RNLS: variants seen among roughly 807,000 people sequenced by gnomAD.
RNLS encodes renalase, FAD dependent amine oxidase.
A neutral mutation model predicts 39.8 loss-of-function variants in RNLS; 39 were observed. The observed-to-expected ratio is 0.98, with a 90% CI of 0.76 to 1.28. The LOEUF (loss-of-function observed/expected upper bound fraction) is 1.28, where lower values mean the gene tolerates loss of function less well. Among genes scored for constraint, RNLS ranks in the 50% most tolerant of loss-of-function variants. The probability of loss-of-function intolerance (pLI) is 0.00; values close to 1 mark genes in which losing one functional copy is unlikely to be tolerated. For missense variants in RNLS, 410 were observed against 413.3 expected (o/e 0.99, Z 0.07); for synonymous variants, 147 against 150.7 (o/e 0.98, Z 0.18).
chr10:88,356,345 A>G (rs1226007421), intron 5 of RNLS, among the ~76,000 whole-genome samples: 2 of 152,126 alleles, frequency 1.3e-5, no homozygotes, highest in Non-Finnish European at 2.9e-5. Flanking sequence ...GTTCCTATTC[A>G]GCCGTCTTGG....
At chr10:88,281,112 G>GA (rs1471894552), downstream of RNLS, among the ~76,000 whole-genome samples, 3 of 152,176 alleles carry the variant, frequency 2.0e-5, no homozygotes, top group African/African-American at 7.2e-5. Flanking sequence ...ATTCCAGACT[G>GA]AAATACAGCA....
Position 88,495,598 on chromosome 10 carries a change from G to C in RNLS, c.526+77305C>G, listed in dbSNP as rs183145503. On this transcript the variant is annotated intron_variant, in intron 4 of 6. Transcript: ENST00000331772. Reference sequence around the variant, plus strand: ...AGAAATCAAAAAGGGCTACCAGTGGGGGATGAGAGAGGAGGAAAATTTGCA... The same window carrying C: ...AGAAATCAAAAAGGGCTACCAGTGGCGGATGAGAGAGGAGGAAAATTTGCA... Among the ~76,000 whole-genome samples, 7 of 152,262 alleles carry C rather than the reference G, an allele frequency of 4.6e-5. No individual in the cohort carries two copies. In the East Asian group the frequency reaches 1.4e-3, roughly 29 times the overall value.
the RNLS span, among the ~76,000 whole-genome samples, chr10:88,185,070 A>T: frequency 6.6e-6 from 1 of 152,166 alleles, no homozygotes; most frequent in African/African-American, 2.4e-5. Flanking sequence ...TCAGAAATAT[A>T]GTCACTGAGG....
intron 4 of RNLS, among the ~76,000 whole-genome samples, chr10:88,467,330 A>T (rs2133961944): frequency 6.6e-6 from 1 of 152,226 alleles, no homozygotes; most frequent in East Asian, 1.9e-4. Context: ...AGAGTCCAAG[A>T]TCAATAACAG....
At chr10:88,218,048 AAAAC>A in the RNLS span, among the ~76,000 whole-genome samples, 1 of 152,192 alleles carries the variant, frequency 6.6e-6, no homozygotes, top group Non-Finnish European at 1.5e-5. Flanking sequence ...CTCAAAAAGA[AAAAC>A]AAGGAAAAAA....
At chr10:88,234,878 G>A in the RNLS span, among the ~76,000 whole-genome samples, 1 of 152,170 alleles carries the variant, frequency 6.6e-6, no homozygotes. Flanking sequence ...TGTTCAAGAT[G>A]AGTCTTGCAG....
chr10:88,349,861 T>G (rs1383191782), intron 5 of RNLS, among the ~76,000 whole-genome samples: 1 of 152,040 alleles, frequency 6.6e-6, no homozygotes, highest in Non-Finnish European at 1.5e-5. Context: ...ATATTTGCAA[T>G]TAGTATTTGA....
chr10:88,386,299 AT>A lies in RNLS; in HGVS notation c.527-23575del, dbSNP rs34470211. Among the ~76,000 whole-genome samples the A allele has an allele frequency of 2.3e-3, 353 of 151,618 alleles. 2 individuals carry two copies. Among genetic ancestry groups the A allele is most frequent in the African/African-American group, 8.1e-3 (333 of 41,350 alleles). ...GGGTGGTACTGTGCCATTAGAGAGTATTTTTTTTTCCTTGATATAAAACGAG... is the reference window on the plus strand; with the variant it reads ...GGGTGGTACTGTGCCATTAGAGAGTATTTTTTTTCCTTGATATAAAACGAG... On this transcript the variant is annotated intron_variant, in intron 4 of 6. Transcript: ENST00000331772.
intron 4 of RNLS, among the ~76,000 whole-genome samples, chr10:88,492,711 G>T (rs932783956): frequency 4.6e-5 from 7 of 151,950 alleles, no homozygotes; most frequent in Non-Finnish European, 8.8e-5. Flanking sequence ...GAGCCACTGC[G>T]CCTGGCCCTT....
rs1450701714 is a variant in RNLS at position 88,415,239 on chromosome 10, T to A, written c.527-52514A>T. On this transcript the variant is annotated intron_variant, in intron 4 of 6. Transcript: ENST00000331772. ...TATTTCTCCTTGCCTATAAACAATG[T>A]CAGCTCCTAACCTCTCCCCAAATAA... 2.6e-5 allele frequency among the ~76,000 whole-genome samples: 4 copies of A among 152,312 alleles called. No individual in the cohort carries two copies. The East Asian group carries it at 7.7e-4, about 29-fold the overall frequency.
intron 6 of RNLS, among the ~76,000 whole-genome samples, chr10:88,308,283 T>C (rs1589512773): frequency 6.6e-6 from 1 of 151,850 alleles, no homozygotes; most frequent in East Asian, 1.9e-4. Context: ...AAAGCAAAAA[T>C]TGACAAATGA....
chr10:88,204,122 C>T, the RNLS span, among the ~76,000 whole-genome samples: 1 of 152,126 alleles, frequency 6.6e-6, no homozygotes, highest in Non-Finnish European at 1.5e-5. Flanking sequence ...GTCACCCATC[C>T]TTACACCCTG....
At chr10:88,421,898 G>A (rs185026982) in intron 4 of RNLS, among the ~76,000 whole-genome samples, 1 of 151,886 alleles carries the variant, frequency 6.6e-6, no homozygotes, top group Admixed American at 6.6e-5. Flanking sequence ...GAAGCTCCCC[G>A]CAAAAGCCCC....
intron 4 of RNLS, among the ~76,000 whole-genome samples, chr10:88,537,269 C>T (rs2576158): frequency 6.6e-6 from 1 of 152,108 alleles, no homozygotes; most frequent in African/African-American, 2.4e-5. Flanking sequence ...CGGTTGATTC[C>T]TGCTGATCAG....
the RNLS span, among the ~76,000 whole-genome samples, chr10:88,223,323 T>C: frequency 4.6e-5 from 7 of 152,338 alleles, no homozygotes; most frequent in East Asian, 1.2e-3. Flanking sequence ...CAACCCTATG[T>C]CAAATGTCAG....
At position 88,581,664 on chromosome 10, in the gene RNLS, G is replaced by A. The variant is rs756453381; in HGVS notation, c.270C>T (p.Ser90=). ...TCATCACCATTCCTTCAATAGGCGAGCTTAGAGGCCTCAAAACGCCATAGG... is the reference window on the plus strand; with the variant it reads ...TCATCACCATTCCTTCAATAGGCGAACTTAGAGGCCTCAAAACGCCATAGG... ...LLAYGVLRPL[S]SPIEGMVMKE... is the part of the protein sequence containing the mutation. The change falls in exon 3 of 7, where the codon AGC becomes AGT. Residue 90 remains serine, a synonymous_variant. Coordinates refer to ENST00000331772, the MANE Select transcript of RNLS (RefSeq NM_001031709.3). The A allele has an allele frequency of 6.3e-7, 1 of 1,598,520 alleles. No homozygotes were observed. The highest frequency in any genetic ancestry group is 1.1e-5 in the South Asian group (1 of 88,216).
chr10:88,316,080 G>T (rs1237375419), intron 5 of RNLS, among the ~76,000 whole-genome samples: 1 of 152,158 alleles, frequency 6.6e-6, no homozygotes, highest in Non-Finnish European at 1.5e-5. Flanking sequence ...GTCCCAACAT[G>T]CTGCAAACTT....
chr10:88,276,911 A>G (rs1025071582), intron 6 of RNLS, among the ~76,000 whole-genome samples: 1 of 152,188 alleles, frequency 6.6e-6, no homozygotes, highest in Non-Finnish European at 1.5e-5. Context: ...CCTTGTTCAA[A>G]TGTTTCAAAA....
intron 4 of RNLS, among the ~76,000 whole-genome samples, chr10:88,492,219 C>T (rs1009139947): frequency 6.6e-6 from 1 of 151,852 alleles, no homozygotes; most frequent in African/African-American, 2.4e-5. Context: ...AGAGCATTTC[C>T]TAGGATATAC....
Sources: allele counts gnomAD v4.1 joint callset (sites outside exome capture counted in the v4.1 genomes callset), GRCh38; gene constraint gnomAD v4.1.1; transcripts MANE v1.5; gene names NCBI Gene and HGNC (gene_info 2026-07-23, HGNC 2026-07-21).